Variants in PPARG observed in about 807,000 individuals in gnomAD.
PPARG encodes the protein peroxisome proliferator-activated receptor gamma.
PPARG carries 17 observed loss-of-function variants against 39.2 expected under a neutral mutation model. The observed-to-expected ratio is 0.43, with a 90% CI of 0.30 to 0.65. The LOEUF (loss-of-function observed/expected upper bound fraction) is 0.65. PPARG is among the 30% of genes least tolerant of loss of function. PPARG has a pLI of 0.13. For synonymous variants in PPARG, 223 were observed against 215.7 expected, an observed-to-expected ratio of 1.03 and a Z score of -0.30; for missense variants, 406 against 585.9, an observed-to-expected ratio of 0.69 and a Z score of 3.17.
intron 2 of PPARG, among the ~76,000 whole-genome samples, chr3:12,330,301 T>TAAAAAAA (rs1302998459): frequency 5.2e-5 from 6 of 114,566 alleles, no homozygotes; most frequent in African/African-American, 1.6e-4. Flanking sequence ...ACACCTTTTT[T>TAAAAAAA]TAAAAAAAAA....
chr3:12,385,896 C>G (rs1024021376), intron 4 of PPARG, among the ~76,000 whole-genome samples: 1 of 152,054 alleles, frequency 6.6e-6, no homozygotes, highest in Non-Finnish European at 1.5e-5. Context: ...CTCATTGTCC[C>G]TGATGTTTTG....
At chr3:12,339,845 TAACAAAGCCC>T (rs2048125514) in intron 2 of PPARG, among the ~76,000 whole-genome samples, 1 of 152,208 alleles carries the variant, frequency 6.6e-6, no homozygotes, top group Non-Finnish European at 1.5e-5. Flanking sequence ...TCAAATACTC[TAACAAAGCCC>T]CTTTATTCAG....
At chr3:12,307,446 C>A (rs1011861142) in intron 1 of PPARG, among the ~76,000 whole-genome samples, 1 of 152,150 alleles carries the variant, frequency 6.6e-6, no homozygotes, top group African/African-American at 2.4e-5. Flanking sequence ...TAATCCCTTC[C>A]CCTACTCTTA....
At chr3:12,288,458 GA>G (rs1227765119), upstream of PPARG, among the ~76,000 whole-genome samples, 1 of 151,918 alleles carries the variant, frequency 6.6e-6, no homozygotes, top group Non-Finnish European at 1.5e-5. Flanking sequence ...CGGAGCCGGG[GA>G]CACGGGGACC....
At chr3:12,424,844 G>T (rs533834955) in intron 7 of PPARG, among the ~76,000 whole-genome samples, 1 of 152,228 alleles carries the variant, frequency 6.6e-6, no homozygotes, top group South Asian at 2.1e-4. Flanking sequence ...TTATCTCTCT[G>T]AGCCTTAATT....
chr3:12,293,749 G>A (rs1443397803), intron 1 of PPARG, among the ~76,000 whole-genome samples: 1 of 152,220 alleles, frequency 6.6e-6, no homozygotes, highest in African/African-American at 2.4e-5. Flanking sequence ...GGAATGGAAA[G>A]AGGTTACTTT....
intron 7 of PPARG, among the ~76,000 whole-genome samples, chr3:12,432,658 A>T (rs954543023): frequency 7.9e-5 from 12 of 152,350 alleles, no homozygotes; most frequent in Admixed American, 7.8e-4. Context: ...AAGAAGAGGA[A>T]ATGAGAAAGG....
intron 5 of PPARG, among the ~76,000 whole-genome samples, chr3:12,403,507 G>A (rs968977086): frequency 6.6e-6 from 1 of 151,650 alleles, no homozygotes; most frequent in Admixed American, 6.6e-5. Flanking sequence ...ACACCACCAC[G>A]CCCAGCTATT....
At chr3:12,362,421 A>G (rs891913881) in intron 2 of PPARG, among the ~76,000 whole-genome samples, 4 of 152,140 alleles carry the variant, frequency 2.6e-5, no homozygotes, top group Non-Finnish European at 2.9e-5. Flanking sequence ...TGGGAGGCTG[A>G]GGCAGGAGAA....
chr3:12,288,652 C>T (rs1255373727), upstream of PPARG, among the ~76,000 whole-genome samples: 2 of 152,048 alleles, frequency 1.3e-5, no homozygotes, highest in African/African-American at 4.8e-5. Context: ...GCTTGGGGAC[C>T]GGGGGACCGT....
chr3:12,329,566 T>C (rs1404580793), intron 2 of PPARG, among the ~76,000 whole-genome samples: 1 of 152,238 alleles, frequency 6.6e-6, no homozygotes, highest in Non-Finnish European at 1.5e-5. Context: ...GTTAAAAGTT[T>C]AGCAGTTTTA....
chr3:12,323,711 AT>A (rs1305403261), intron 2 of PPARG, among the ~76,000 whole-genome samples: 1 of 151,898 alleles, frequency 6.6e-6, no homozygotes, highest in Non-Finnish European at 1.5e-5. Context: ...AAGCCCACAT[AT>A]TTTTTTAATT....
chr3:12,419,803 A>G (rs1053742792), intron 7 of PPARG, among the ~76,000 whole-genome samples: 2 of 152,128 alleles, frequency 1.3e-5, no homozygotes, highest in African/African-American at 4.8e-5. Flanking sequence ...TTTATTTTTA[A>G]TAAAATTTGA....
At chr3:12,432,937 G>T (rs2051710077) in intron 7 of PPARG, among the ~76,000 whole-genome samples, 1 of 152,064 alleles carries the variant, frequency 6.6e-6, no homozygotes, top group African/African-American at 2.4e-5. Context: ...AAAGTAAACT[G>T]CTTAAAAGTA....
At chr3:12,356,835 C>T (rs745972141) in intron 2 of PPARG, among the ~76,000 whole-genome samples, 77 of 152,210 alleles carry the variant, frequency 5.1e-4, no homozygotes, top group Non-Finnish European at 8.4e-4. Context: ...AGAGTAAGGC[C>T]GACCCACCCT....
At chr3:12,363,631 T>C (rs929867480) in intron 2 of PPARG, among the ~76,000 whole-genome samples, 6 of 152,162 alleles carry the variant, frequency 3.9e-5, no homozygotes, top group African/African-American at 1.4e-4. Flanking sequence ...TTGCAGTAAG[T>C]CCTTTATAGT....
intron 2 of PPARG, among the ~76,000 whole-genome samples, chr3:12,317,030 T>C (rs903932558): frequency 2.0e-5 from 3 of 152,234 alleles, no homozygotes; most frequent in African/African-American, 7.2e-5. Flanking sequence ...ATAGATGTAC[T>C]GGATGGAGCA....
intron 2 of PPARG, chr3:12,372,192 T>A (rs1021703981): frequency 2.5e-5 from 18 of 716,256 alleles, no homozygotes; most frequent in Non-Finnish European, 4.4e-5. Flanking sequence ...GTACATCCCC[T>A]GCCCCCCTGC....
intron 2 of PPARG, among the ~76,000 whole-genome samples, chr3:12,363,467 T>C (rs753647523): frequency 6.8e-5 from 10 of 146,436 alleles, no homozygotes; most frequent in Non-Finnish European, 1.3e-4. Flanking sequence ...GTTGAAAACA[T>C]AATTTCAAAA....
Sources: allele counts gnomAD v4.1 joint callset (sites outside exome capture counted in the v4.1 genomes callset), GRCh38; gene constraint gnomAD v4.1.1; transcripts MANE v1.5; gene names NCBI Gene and HGNC (gene_info 2026-07-23, HGNC 2026-07-21).